The following ZNF93 variants were observed in gnomAD, a reference collection of about 807,000 sequenced individuals.
ZNF93 encodes the protein zinc finger protein 93.
ZNF93 carries 29 observed loss-of-function variants against 45.0 expected under a neutral mutation model. That is an observed-to-expected ratio of 0.64 (90% CI 0.48 to 0.88). ZNF93 has a LOEUF of 0.88. ZNF93 is among the 40% of genes least tolerant of loss of function. The pLI, the probability that ZNF93 is intolerant of heterozygous loss-of-function variation, is 0.00. For synonymous variants in ZNF93, 223 were observed against 244.6 expected, an observed-to-expected ratio of 0.91 and a Z score of 0.82; for missense variants, 578 against 724.0, an observed-to-expected ratio of 0.80 and a Z score of 2.31.
In ZNF93 at chr19:19,922,198, G is replaced by T. The variant is rs1382661255; in HGVS notation, c.226+5543G>T. Among the ~76,000 whole-genome samples the T allele has an allele frequency of 3.9e-5, 6 of 152,202 alleles. No individual in the cohort carries two copies. In the South Asian group the frequency reaches 8.3e-4, roughly 21 times the overall value. On this transcript the variant is annotated intron_variant, in intron 3 of 3. Coordinates refer to ENST00000343769, the MANE Select transcript of ZNF93 (RefSeq NM_031218.4). The stretch of plus-strand genomic sequence containing the variant: ...TAAAGGATTTTATTTCTCCTTCACT[G>T]ATGAAGCTTAGTTTGGCTGGGTATG...
intron 1 of ZNF93, chr19:19,914,916 T>C: frequency 3.1e-6 from 1 of 320,976 alleles, no homozygotes; most frequent in South Asian, 2.7e-5. Flanking sequence ...ATTGTACATA[T>C]TAAAATTTGA....
At chr19:19,926,951 G>A (rs1002501274) in intron 3 of ZNF93, among the ~76,000 whole-genome samples, 2 of 152,072 alleles carry the variant, frequency 1.3e-5, no homozygotes, top group Admixed American at 6.6e-5. Context: ...AATGATTAAT[G>A]TATATTTCTT....
chr19:19,927,046 A>G (rs1479355619), intron 3 of ZNF93: 1 of 397,948 alleles, frequency 2.5e-6, no homozygotes, highest in Admixed American at 4.4e-5. Context: ...TTCTTTAAAA[A>G]CATTGTTTTA....
chr19:19,924,343 T>A (rs889433042), intron 3 of ZNF93, among the ~76,000 whole-genome samples: 1 of 152,206 alleles, frequency 6.6e-6, no homozygotes, highest in African/African-American at 2.4e-5. Context: ...CGCCCGTCTC[T>A]GCCTCCCAAA....
chr19:19,926,448 G>A (rs1426628881), intron 3 of ZNF93, among the ~76,000 whole-genome samples: 2 of 142,830 alleles, frequency 1.4e-5, no homozygotes, highest in Non-Finnish European at 3.0e-5. Context: ...TTCTATTATT[G>A]TTTCAAAGTT....
intron 1 of ZNF93, among the ~76,000 whole-genome samples, chr19:19,904,188 AAG>A (rs2063285842): frequency 6.8e-6 from 1 of 147,492 alleles, no homozygotes; most frequent in African/African-American, 2.6e-5. Flanking sequence ...TAGGTAAGAA[AAG>A]AGAGCACTAA....
At position 19,934,357 on chromosome 19, in the gene ZNF93, C is replaced by T. The variant is rs1201322006; in HGVS notation, c.1402C>T (p.Leu468Phe). 6.2e-7 allele frequency: 1 copy of T among 1,613,850 alleles called. No homozygotes were observed. Among genetic ancestry groups the T allele is most frequent in the Admixed American group, 1.7e-5 (1 of 59,982 alleles). Reference protein sequence around the residue: ...CGKAFNQSSSLTKHKKIHTGE... With the variant: ...CGKAFNQSSSFTKHKKIHTGE... ...CAAAGCTTTTAACCAGTCCTCATCC[C>T]TTACTAAACATAAGAAAATTCATAC... Residue 468 changes from leucine (L) to phenylalanine (F), a missense_variant, in exon 4 of 4, where the codon CTT (leucine) becomes TTT (phenylalanine). By Grantham distance (22) the Leu-to-Phe change is conservative. Around this residue, in one of 3 missense-constraint regions of ZNF93, gnomAD observed 446 missense variants for 547.6 expected, o/e 0.81. Transcript: ENST00000343769.
At chr19:19,910,103 T>G (rs577306400) in intron 1 of ZNF93, among the ~76,000 whole-genome samples, 1 of 152,308 alleles carries the variant, frequency 6.6e-6, no homozygotes, top group African/African-American at 2.4e-5. Context: ...ATCTCCACTT[T>G]CCCCTTCCTC....
chr19:19,913,288 T>G (rs1032508368), intron 1 of ZNF93, among the ~76,000 whole-genome samples: 1 of 152,246 alleles, frequency 6.6e-6, no homozygotes, highest in African/African-American at 2.4e-5. Flanking sequence ...CAGCCCAGGC[T>G]TCTCATTAGG....
chr19:19,921,139 T>G (rs2063341575), intron 3 of ZNF93, among the ~76,000 whole-genome samples: 3 of 152,142 alleles, frequency 2.0e-5, no homozygotes, highest in Admixed American at 2.0e-4. Context: ...CTGGTATGTT[T>G]TGTCTTTGTT....
intron 1 of ZNF93, among the ~76,000 whole-genome samples, chr19:19,910,666 T>C (rs912377610): frequency 1.1e-4 from 16 of 140,480 alleles, no homozygotes; most frequent in African/African-American, 4.1e-4. Flanking sequence ...TTTTTTTTTT[T>C]CATGTAGACT....
intron 3 of ZNF93, among the ~76,000 whole-genome samples, chr19:19,920,269 G>C (rs2063339282): frequency 6.6e-6 from 1 of 152,178 alleles, no homozygotes; most frequent in African/African-American, 2.4e-5. Flanking sequence ...ATTTGTGTAT[G>C]TTGAACCAGC....
At chr19:19,905,335 C>T (rs1029226450) in intron 1 of ZNF93, among the ~76,000 whole-genome samples, 1 of 151,836 alleles carries the variant, frequency 6.6e-6, no homozygotes, top group Non-Finnish European at 1.5e-5. Flanking sequence ...TAGCACCAAA[C>T]AGGTATATTT....
intron 3 of ZNF93, chr19:19,932,596 C>T (rs1047328409): frequency 6.6e-6 from 1 of 152,170 alleles, no homozygotes; most frequent in Admixed American, 6.5e-5. Flanking sequence ...ACACAAATTT[C>T]GATTACTTTT....
chr19:19,912,327 C>T (rs2063311118), intron 1 of ZNF93, among the ~76,000 whole-genome samples: 1 of 152,130 alleles, frequency 6.6e-6, no homozygotes, highest in Non-Finnish European at 1.5e-5. Flanking sequence ...TCAGATTCAT[C>T]CTTTTTGGAG....
At chr19:19,911,967 C>CT (rs905952308) in intron 1 of ZNF93, among the ~76,000 whole-genome samples, 2 of 151,978 alleles carry the variant, frequency 1.3e-5, no homozygotes, top group African/African-American at 2.4e-5. Flanking sequence ...TCAGGCTGGT[C>CT]TTTAACTGCT....
chr19:19,933,302 G>A lies in ZNF93; in HGVS notation c.347G>A (p.Arg116Lys). The A allele has an allele frequency of 1.1e-5, 18 of 1,611,284 alleles. No individual in the cohort carries two copies. The highest frequency in any genetic ancestry group is 2.2e-5 in the East Asian group (1 of 44,764). Reference protein sequence around the residue: ...RGHGNLQLIKRCESVDECKVH... With the variant: ...RGHGNLQLIKKCESVDECKVH... Reference sequence around the variant, plus strand: ...CATGGAAATTTACAGTTAATAAAAAGGTGTGAAAGTGTAGATGAGTGTAAG... The same window carrying A: ...CATGGAAATTTACAGTTAATAAAAAAGTGTGAAAGTGTAGATGAGTGTAAG... Residue 116 changes from arginine (R) to lysine (K), a missense_variant, in exon 4 of 4, where the codon AGG (arginine) becomes AAG (lysine). Around this residue, in one of 3 missense-constraint regions of ZNF93, gnomAD observed 446 missense variants for 547.6 expected, o/e 0.81. Coordinates refer to ENST00000343769, the MANE Select transcript of ZNF93 (RefSeq NM_031218.4).
At chr19:19,919,657 A>G (rs1259700968) in intron 3 of ZNF93, among the ~76,000 whole-genome samples, 4 of 152,112 alleles carry the variant, frequency 2.6e-5, no homozygotes, top group Non-Finnish European at 5.9e-5. Context: ...TCTCCTTGAA[A>G]AGATCCTTCA....
intron 3 of ZNF93, among the ~76,000 whole-genome samples, chr19:19,930,497 T>C (rs1425190490): frequency 1.3e-5 from 2 of 149,122 alleles, no homozygotes; most frequent in South Asian, 2.1e-4. Flanking sequence ...CCTGGTCCGC[T>C]AAGTAGCAGG....
Sources: gnomAD v4.1 joint callset for allele counts (sites outside exome capture counted in the v4.1 genomes callset) on GRCh38, gnomAD v4.1.1 for gene constraint, gnomAD v4.1.1 regional missense constraint, MANE v1.5 for transcripts, NCBI Gene and HGNC (gene_info 2026-07-23, HGNC 2026-07-21) for gene names.